The following UST variants were observed in gnomAD, a reference collection of about 807,000 sequenced individuals.
UST encodes chondroitin sulfate 2-O-sulfotransferase.
Under a neutral mutation model 45.6 loss-of-function variants are expected in UST, and 21 were observed. The ratio of observed to expected loss-of-function variants is 0.46; its 90% CI spans 0.33 to 0.66. UST has a LOEUF of 0.66. Ranked by LOEUF, UST falls within the 30% of genes least tolerant of loss-of-function variation. The pLI is 0.02. For missense variants in UST, 463 were observed against 512.4 expected (o/e 0.90, Z 0.93); for synonymous variants, 215 against 200.6 (o/e 1.07, Z -0.61).
At position 149,073,913 on chromosome 6, in the gene UST, C is replaced by A. The variant is rs199808069; in HGVS notation, c.1018C>A (p.Arg340=). 7.4e-6 allele frequency: 12 copies of A among 1,614,004 alleles called. No individual in the cohort carries two copies. Among genetic ancestry groups the A allele is most frequent in the Non-Finnish European group, 1.0e-5 (12 of 1,180,006 alleles). Residue 340 remains arginine (R), a synonymous_variant, in exon 8 of 8, where the codon CGG becomes AGG. Coordinates refer to ENST00000367463, the MANE Select transcript of UST (RefSeq NM_005715.3). ...SPEAVQILYQ[R]MRYEYEFYHY... ...TGAGGCTGTGCAGATCCTCTACCAG[C>A]GGATGAGATACGAGTACGAGTTTTA...
chr6:148,910,244 G>C (rs1189501025), intron 2 of UST, among the ~76,000 whole-genome samples: 1 of 147,872 alleles, frequency 6.8e-6, no homozygotes, highest in Non-Finnish European at 1.5e-5. Context: ...GGGTTCAAAC[G>C]ATTCTTCTGC....
intron 7 of UST, among the ~76,000 whole-genome samples, chr6:149,042,955 T>TTTTTCTTTC (rs1554237056): frequency 6.8e-4 from 74 of 109,172 alleles, no homozygotes; most frequent in East Asian, 1.4e-3. Context: ...ATCACCATCC[T>TTTTTCTTTC]TTTCTTTCTT....
intron 4 of UST, among the ~76,000 whole-genome samples, chr6:148,964,160 C>T (rs1007202776): frequency 2.0e-5 from 3 of 152,154 alleles, no homozygotes; most frequent in Non-Finnish European, 2.9e-5. Context: ...TGGTTTGTAC[C>T]GTGCTATACT....
chr6:149,046,060 A>C (rs997798276), intron 7 of UST, among the ~76,000 whole-genome samples: 6 of 152,224 alleles, frequency 3.9e-5, no homozygotes, highest in Non-Finnish European at 4.4e-5. Context: ...AGAAGTATTC[A>C]ATAGAAAATT....
chr6:148,987,840 T>C (rs1223411465), intron 5 of UST, among the ~76,000 whole-genome samples: 1 of 152,056 alleles, frequency 6.6e-6, no homozygotes, highest in East Asian at 1.9e-4. Context: ...TTCTTCATCA[T>C]GTGCTTTCAT....
intron 1 of UST, among the ~76,000 whole-genome samples, chr6:148,771,352 G>A (rs535588436): frequency 8.0e-4 from 122 of 152,298 alleles, no homozygotes; most frequent in African/African-American, 2.9e-3. Context: ...GGCTGTGGCT[G>A]TTGAGCTTGC....
chr6:148,939,595 C>T (rs976039487), intron 2 of UST, among the ~76,000 whole-genome samples: 3 of 152,120 alleles, frequency 2.0e-5, no homozygotes, highest in African/African-American at 7.2e-5. Context: ...GGGTACTAAA[C>T]AGCTAAGTGG....
intron 1 of UST, among the ~76,000 whole-genome samples, chr6:148,860,944 G>A (rs1471618435): frequency 1.3e-5 from 2 of 152,152 alleles, no homozygotes; most frequent in Admixed American, 6.5e-5. Context: ...CAGGGATATT[G>A]GTCTAAAATT....
intron 1 of UST, among the ~76,000 whole-genome samples, chr6:148,823,945 A>T (rs1220214325): frequency 6.6e-6 from 1 of 152,182 alleles, no homozygotes; most frequent in Non-Finnish European, 1.5e-5. Context: ...AACGGAATCC[A>T]TGTTAGGTTT....
intron 1 of UST, among the ~76,000 whole-genome samples, chr6:148,770,369 G>A (rs1776400867): frequency 6.7e-6 from 1 of 149,956 alleles, no homozygotes; most frequent in Non-Finnish European, 1.5e-5. Flanking sequence ...ACGTGCAAAG[G>A]CAAGCCACTG....
chr6:148,842,473 G>A (rs1181146781), intron 1 of UST, among the ~76,000 whole-genome samples: 1 of 152,280 alleles, frequency 6.6e-6, no homozygotes, highest in South Asian at 2.1e-4. Flanking sequence ...TCAGAAGTGC[G>A]TGAAGGAGGT....
chr6:149,035,641 C>A (rs1776230319), intron 7 of UST, among the ~76,000 whole-genome samples: 1 of 151,816 alleles, frequency 6.6e-6, no homozygotes, highest in African/African-American at 2.4e-5. Context: ...AGTCATAGTC[C>A]CAGCTATTTG....
intron 1 of UST, among the ~76,000 whole-genome samples, chr6:148,883,747 G>A (rs542132211): frequency 6.6e-6 from 1 of 152,314 alleles, no homozygotes; most frequent in South Asian, 2.1e-4. Context: ...GTTATAAGGG[G>A]ATAAATTATG....
At chr6:149,025,928 C>T (rs1051850545) in intron 7 of UST, among the ~76,000 whole-genome samples, 2 of 152,014 alleles carry the variant, frequency 1.3e-5, no homozygotes, top group East Asian at 1.9e-4. Context: ...GTGGGTGGAT[C>T]ACGAGGTCAG....
chr6:148,863,790 G>A (rs1451549343), intron 1 of UST, among the ~76,000 whole-genome samples: 3 of 152,190 alleles, frequency 2.0e-5, no homozygotes, highest in South Asian at 2.1e-4. Context: ...GTTTGCCTGG[G>A]TATCACCATC....
chr6:149,000,302 A>G lies in UST; in HGVS notation c.682-18837A>G, dbSNP rs564340326. Among the ~76,000 whole-genome samples the G allele has an allele frequency of 7.9e-5, 12 of 152,328 alleles. No individual in the cohort carries two copies. In the South Asian group the frequency reaches 1.9e-3, roughly 24 times the overall value. On this transcript the variant is annotated intron_variant, in intron 5 of 7. Coordinates refer to ENST00000367463, the MANE Select transcript of UST (RefSeq NM_005715.3). ...TCACAAGTAAGAAGTGAACCAAACT[A>G]TTTGCTCCTTTGTAAGCAAATGTGT... is the stretch of plus-strand genomic sequence containing the variant.
At position 148,899,477 on chromosome 6, in the gene UST, T is replaced by G. The variant is rs186792771; in HGVS notation, c.291+12448T>G. On this transcript the variant is annotated intron_variant, in intron 2 of 7. Coordinates refer to ENST00000367463, the MANE Select transcript of UST (RefSeq NM_005715.3). ...AAAAATTATGCATGCTTCTATTATG[T>G]TTTAATTTGGAAAGTACAGAAAATT... is the stretch of plus-strand genomic sequence containing the variant. Among the ~76,000 whole-genome samples the G allele has an allele frequency of 2.6e-5, 4 of 152,348 alleles. No homozygotes were observed. The East Asian group carries it at 7.7e-4, about 29-fold the overall frequency.
At chr6:149,073,666 T>C (rs1240106636) in intron 7 of UST, among the ~76,000 whole-genome samples, 167 bp from the exon 8 acceptor site, 1 of 152,246 alleles carries the variant, frequency 6.6e-6, no homozygotes, top group Non-Finnish European at 1.5e-5. Context: ...CTAGAGTTGG[T>C]AAGTGTTTCC....
chr6:148,998,177 T>C (rs998771307), intron 5 of UST, among the ~76,000 whole-genome samples: 2 of 152,240 alleles, frequency 1.3e-5, no homozygotes, highest in Non-Finnish European at 2.9e-5. Context: ...ATAACTTTTA[T>C]GGTATAAATC....
Sources: gnomAD v4.1 joint callset for allele counts (sites outside exome capture counted in the v4.1 genomes callset) on GRCh38, gnomAD v4.1.1 for gene constraint, MANE v1.5 for transcripts, NCBI Gene and HGNC (gene_info 2026-07-23, HGNC 2026-07-21) for gene names.